HSD17B12: variants seen among roughly 807,000 people sequenced by gnomAD.
HSD17B12 encodes very-long-chain 3-oxoacyl-CoA reductase.
A neutral mutation model predicts 39.3 loss-of-function variants in HSD17B12; 32 were observed. The observed-to-expected ratio is 0.81, with a 90% CI of 0.61 to 1.09. HSD17B12 has a LOEUF of 1.09. Among genes scored for constraint, HSD17B12 ranks in the 50% least tolerant of loss-of-function variants. The probability of loss-of-function intolerance (pLI) is 0.00; values close to 1 mark genes in which losing one functional copy is unlikely to be tolerated. For synonymous variants in HSD17B12, 150 were observed against 146.7 expected, an observed-to-expected ratio of 1.02 and a Z score of -0.16; for missense variants, 342 against 382.9, an observed-to-expected ratio of 0.89 and a Z score of 0.89.
the HSD17B12 span, chr11:43,646,169 A>G: frequency 6.6e-6 from 1 of 152,256 alleles, no homozygotes; most frequent in Non-Finnish European, 1.5e-5. Context: ...ATATATGTAT[A>G]GTAATGGTAG....
At chr11:43,668,630 C>T in the HSD17B12 span, among the ~76,000 whole-genome samples, 1 of 151,960 alleles carries the variant, frequency 6.6e-6, no homozygotes, top group Non-Finnish European at 1.5e-5. Context: ...AACATAAATA[C>T]TGTAAGAGAG....
the HSD17B12 span, among the ~76,000 whole-genome samples, chr11:43,672,768 T>A: frequency 6.6e-6 from 1 of 152,010 alleles, no homozygotes; most frequent in Non-Finnish European, 1.5e-5. Context: ...CACAAACTCC[T>A]GACCTCAGGT....
the HSD17B12 span, chr11:43,645,548 A>T: frequency 6.6e-6 from 1 of 152,216 alleles, no homozygotes; most frequent in Non-Finnish European, 1.5e-5. Flanking sequence ...AGAGAGTAAA[A>T]ATTGTATTCC....
chr11:43,801,628 A>ATATATATATATATATG (rs1176560327), intron 4 of HSD17B12, among the ~76,000 whole-genome samples: 3 of 20,952 alleles, frequency 1.4e-4, no homozygotes, highest in African/African-American at 3.3e-4. Flanking sequence ...ATATATATAT[A>ATATATATATATATATG]TATGTATATG....
At chr11:43,649,166 G>A in the HSD17B12 span, among the ~76,000 whole-genome samples, 2 of 151,800 alleles carry the variant, frequency 1.3e-5, no homozygotes, top group African/African-American at 4.8e-5. Context: ...GTTTATAAGG[G>A]GAGAAAAGGG....
chr11:43,687,075 C>T (rs561873653), intron 1 of HSD17B12, among the ~76,000 whole-genome samples: 88 of 152,230 alleles, frequency 5.8e-4, no homozygotes, highest in Non-Finnish European at 9.3e-4. Context: ...CATGGGTAAA[C>T]GGATTTGAAT....
intron 3 of HSD17B12, among the ~76,000 whole-genome samples, chr11:43,764,682 T>C (rs570148648): frequency 4.2e-4 from 64 of 152,302 alleles, no homozygotes; most frequent in African/African-American, 1.4e-3. Context: ...TGACCCTCTT[T>C]ATTCTTGGTA....
the HSD17B12 span, among the ~76,000 whole-genome samples, chr11:43,630,805 CTTTTT>C: frequency 1.4e-5 from 2 of 137,990 alleles, no homozygotes; most frequent in African/African-American, 2.7e-5. Context: ...TTTTTTCTTT[CTTTTT>C]TTTTTTTTTT....
the HSD17B12 span, among the ~76,000 whole-genome samples, chr11:43,655,353 A>G: frequency 6.6e-6 from 1 of 152,232 alleles, no homozygotes; most frequent in Non-Finnish European, 1.5e-5. Flanking sequence ...ATCTGCAAAC[A>G]GGGACAATTT....
chr11:43,618,257 A>G, the HSD17B12 span, among the ~76,000 whole-genome samples: 4 of 152,292 alleles, frequency 2.6e-5, no homozygotes, highest in South Asian at 6.2e-4. Flanking sequence ...CTATTTATTT[A>G]TATTCATTAT....
At chr11:43,686,660 A>T (rs1042175573) in intron 1 of HSD17B12, among the ~76,000 whole-genome samples, 1 of 151,234 alleles carries the variant, frequency 6.6e-6, no homozygotes, top group African/African-American at 2.4e-5. Context: ...TTAGAGGTCA[A>T]ACTTGAACTT....
chr11:43,704,486 A>G (rs529612124), intron 1 of HSD17B12, among the ~76,000 whole-genome samples: 2 of 152,340 alleles, frequency 1.3e-5, no homozygotes, highest in South Asian at 4.1e-4. Context: ...TGGTCTCCTC[A>G]GTACAGGGTG....
chr11:43,837,704 C>G (rs2135125280), intron 7 of HSD17B12, among the ~76,000 whole-genome samples: 1 of 152,254 alleles, frequency 6.6e-6, no homozygotes, highest in East Asian at 1.9e-4. Flanking sequence ...CAAGTATCTA[C>G]AACCCAGGGA....
chr11:43,654,034 C>T, the HSD17B12 span, among the ~76,000 whole-genome samples: 3 of 152,104 alleles, frequency 2.0e-5, no homozygotes, highest in Non-Finnish European at 4.4e-5. Context: ...GTTCCTATTT[C>T]TCCACATCCT....
At chr11:43,803,540 C>A (rs1295373390) in intron 4 of HSD17B12, among the ~76,000 whole-genome samples, 2 of 152,110 alleles carry the variant, frequency 1.3e-5, no homozygotes, top group Non-Finnish European at 2.9e-5. Flanking sequence ...CACCAGGGTA[C>A]ACCCCATTTG....
At chr11:43,664,162 C>T in the HSD17B12 span, among the ~76,000 whole-genome samples, 1 of 152,104 alleles carries the variant, frequency 6.6e-6, no homozygotes, top group Non-Finnish European at 1.5e-5. Flanking sequence ...GTAAGGGTTT[C>T]TAAGGCAGGG....
the HSD17B12 span, among the ~76,000 whole-genome samples, chr11:43,592,777 T>A: frequency 1.3e-5 from 2 of 152,144 alleles, no homozygotes; most frequent in African/African-American, 2.4e-5. Flanking sequence ...CATTTTTTTT[T>A]AATGGAGGTT....
chr11:43,830,265 T>C (rs1951294721), intron 6 of HSD17B12: 1 of 152,212 alleles, frequency 6.6e-6, no homozygotes, highest in Non-Finnish European at 1.5e-5. Flanking sequence ...TATTTAACTG[T>C]GAGGTGATTT....
At chr11:43,579,126 T>A in the HSD17B12 span, 1 of 139,466 alleles carries the variant, frequency 7.2e-6, no homozygotes, top group African/African-American at 2.7e-5. Context: ...GGAAGACCTA[T>A]CCAATGAAAA....
Sources: gnomAD v4.1 joint callset for allele counts (sites outside exome capture counted in the v4.1 genomes callset) on GRCh38, gnomAD v4.1.1 for gene constraint, MANE v1.5 for transcripts, NCBI Gene and HGNC (gene_info 2026-07-23, HGNC 2026-07-21) for gene names.